The following HEG1 variants were observed in gnomAD, a reference collection of about 807,000 sequenced individuals.
HEG1 encodes the protein heart development protein with EGF like domains 1.
HEG1 carries 56 observed loss-of-function variants against 125.6 expected under a neutral mutation model. That is an observed-to-expected ratio of 0.45 (90% CI 0.36 to 0.56). HEG1 has a LOEUF of 0.56. Among genes scored for constraint, HEG1 ranks in the 20% least tolerant of loss-of-function variants. The pLI is 0.00. For missense variants in HEG1, 1,523 were observed against 1,670.0 expected (o/e 0.91, Z 1.53); for synonymous variants, 644 against 668.5 (o/e 0.96, Z 0.57).
rs10522507 is a variant in HEG1, at chr3:125,046,398, T to TACACAC, written c.316+9171_316+9176dup. Among the ~76,000 whole-genome samples the TACACAC allele has an allele frequency of 4.4e-4, 63 of 141,636 alleles. 1 individual carries two copies. Among genetic ancestry groups the TACACAC allele is most frequent in the Middle Eastern group, 3.5e-3 (1 of 286 alleles). The allele number at this position is 141,636 out of a possible 152,430, so 92.9% of individuals were successfully genotyped here. ...GTATATGTATATATATATATACACA[T>TACACAC]ACACACACACACACACACACACACA... On this transcript the variant is annotated intron_variant, in intron 1 of 16. Coordinates refer to ENST00000311127, the MANE Select transcript of HEG1 (RefSeq NM_020733.2).
chr3:125,017,816 C>T (rs986332619), intron 5 of HEG1, among the ~76,000 whole-genome samples: 5 of 150,782 alleles, frequency 3.3e-5, no homozygotes, highest in Admixed American at 6.6e-5. Flanking sequence ...GTCAGGAGAT[C>T]GGGACCATCC....
At chr3:125,039,344 C>T (rs1214342199) in intron 1 of HEG1, among the ~76,000 whole-genome samples, 1 of 152,136 alleles carries the variant, frequency 6.6e-6, no homozygotes, top group African/African-American at 2.4e-5. Context: ...CCACTCCCTG[C>T]CAGTGATTTG....
chr3:124,997,446 C>A (rs1936938440), intron 12 of HEG1, among the ~76,000 whole-genome samples: 2 of 152,366 alleles, frequency 1.3e-5, no homozygotes, highest in South Asian at 4.1e-4. Flanking sequence ...CTACCACAGG[C>A]ATTCCATTCT....
In HEG1 at chr3:125,019,430, C is replaced by T. The variant is rs752776788; in HGVS notation, c.1420G>A (p.Ala474Thr). 1 of 1,614,014 alleles carries T rather than the reference C, an allele frequency of 6.2e-7. No individual in the cohort carries two copies. Among genetic ancestry groups the T allele is most frequent in the South Asian group, 1.1e-5 (1 of 91,072 alleles). Reference sequence around the variant, plus strand: ...GCATTCACACCTTCAGGATATGAAGCAGAGCTTCCTGTCACATCTGCAGAT... The same window carrying T: ...GCATTCACACCTTCAGGATATGAAGTAGAGCTTCCTGTCACATCTGCAGAT... ...TTSADVTGSS[A>T]SYPEGVNASV... The change falls in exon 5 of 17, where the codon GCT becomes ACT. Residue 474 changes from alanine to threonine, a missense_variant. Ala to Thr is a moderately conservative substitution (Grantham distance 58, BLOSUM62 0). Transcript: ENST00000311127.
At chr3:124,978,047 C>A in intron 14 of HEG1, 101 bp from the exon 15 acceptor site, 1 of 806,886 alleles carries the variant, frequency 1.2e-6, no homozygotes, top group South Asian at 1.7e-5. Context: ...CACCACCCTG[C>A]CTTGAGGGGT....
Position 125,013,337 on chromosome 3 carries a change from G to A in HEG1, c.2242C>T (p.Pro748Ser), listed in dbSNP as rs191706613. ...LPQSSSTPVL[P>S]RARETPVTSF... The stretch of plus-strand genomic sequence containing the variant: ...GTCACAGGAGTCTCCCTTGCCCTGG[G>A]CAGGACAGGGGTAGAAGATGACTGT... The change falls in exon 6 of 17, where the codon CCC (proline) becomes TCC (serine). Residue 748 changes from proline to serine, a missense_variant. Physicochemically the swap from Pro to Ser is moderately conservative, Grantham distance 74. Transcript: ENST00000311127. 8 of 1,613,928 alleles carry A rather than the reference G, an allele frequency of 5.0e-6. No homozygotes were observed. The highest frequency in any genetic ancestry group is 1.7e-4 in the Middle Eastern group (1 of 6,060).
intron 1 of HEG1, among the ~76,000 whole-genome samples, chr3:125,036,639 C>CT (rs1937550655): frequency 6.6e-6 from 1 of 152,120 alleles, no homozygotes; most frequent in African/African-American, 2.4e-5. Flanking sequence ...AAGATGTACC[C>CT]CTTGTAGACA....
At chr3:124,985,249 A>G (rs1936719574) in intron 14 of HEG1, among the ~76,000 whole-genome samples, 1 of 152,154 alleles carries the variant, frequency 6.6e-6, no homozygotes. Context: ...CCCCACACTT[A>G]GTAGTAAGGA....
chr3:124,991,088 T>A, intron 12 of HEG1, 102 bp from the exon 13 acceptor site: 1 of 838,610 alleles, frequency 1.2e-6, no homozygotes, highest in Non-Finnish European at 1.9e-6. Flanking sequence ...ATTATTCTAG[T>A]ACCAGAAGGC....
rs1184354973 is a variant in HEG1 at position 125,034,811 on chromosome 3, A to T, written c.317-5323T>A. ...TGAGACCATCTCAAAAGAAAAAAAA[A>T]TGAATTAGAAAATAAATGATAACAG... On this transcript the variant is annotated intron_variant, in intron 1 of 16. Coordinates refer to ENST00000311127, the MANE Select transcript of HEG1 (RefSeq NM_020733.2). Among the ~76,000 whole-genome samples the T allele has an allele frequency of 2.6e-5, 4 of 152,194 alleles. No homozygotes were observed. The East Asian group carries it at 7.7e-4, about 29-fold the overall frequency.
At chr3:124,986,855 A>G (rs985723335) in intron 14 of HEG1, among the ~76,000 whole-genome samples, 1 of 152,254 alleles carries the variant, frequency 6.6e-6, no homozygotes, top group Non-Finnish European at 1.5e-5. Flanking sequence ...CTTACAGAAT[A>G]GTCAATGACA....
intron 14 of HEG1, among the ~76,000 whole-genome samples, chr3:124,983,361 G>A (rs1032131225): frequency 9.2e-5 from 14 of 151,876 alleles, no homozygotes; most frequent in Non-Finnish European, 1.8e-4. Context: ...TTTTGAGACA[G>A]GGTCTTGCTC....
intron 8 of HEG1, among the ~76,000 whole-genome samples, chr3:125,006,774 G>A (rs142235795): frequency 2.9e-4 from 44 of 152,334 alleles, no homozygotes; most frequent in African/African-American, 1.0e-3. Context: ...TTGTGAAGGC[G>A]ATAGTGCTGC....
chr3:124,979,690 T>C (rs1579396146), intron 14 of HEG1, among the ~76,000 whole-genome samples: 1 of 152,112 alleles, frequency 6.6e-6, no homozygotes, highest in African/African-American at 2.4e-5. Context: ...TCCCAGCACT[T>C]TGGGAGGCCG....
At chr3:125,014,033 C>T (rs562487442) in intron 5 of HEG1, 43 bp from the exon 6 acceptor site, 16 of 1,512,718 alleles carry the variant, frequency 1.1e-5, no homozygotes, top group Non-Finnish European at 1.3e-5. Flanking sequence ...AAAAGAACAA[C>T]AAAACTCTGA....
At chr3:125,030,141 A>G (rs981999017) in intron 1 of HEG1, among the ~76,000 whole-genome samples, 2 of 152,190 alleles carry the variant, frequency 1.3e-5, no homozygotes, top group African/African-American at 4.8e-5. Flanking sequence ...GGCAAGAAGC[A>G]TCTCATATTC....
chr3:124,968,253 A>T lies in HEG1; in HGVS notation c.*2399T>A. 6.6e-6 allele frequency: 1 copy of T among 152,390 alleles called. No homozygotes were observed. The highest frequency in any genetic ancestry group is 1.9e-4 in the East Asian group (1 of 5,192). 9.4% of individuals were successfully genotyped at this position (152,390 alleles called of 1,614,324 possible). ...CCTTCTGCAGCTAGGAACCCCGTGC[A>T]GGAGTGCAGCTGGCCTCTCCCTTCC... On this transcript the variant is annotated 3_prime_UTR_variant, in exon 17 of 17. Coordinates refer to ENST00000311127, the MANE Select transcript of HEG1 (RefSeq NM_020733.2).
chr3:125,041,256 C>T (rs1391362444), intron 1 of HEG1, among the ~76,000 whole-genome samples: 2 of 152,202 alleles, frequency 1.3e-5, no homozygotes, highest in Non-Finnish European at 1.5e-5. Context: ...CTGGTGCCCC[C>T]ATCCCTCTCC....
At chr3:124,998,876 C>A (rs1366703856) in intron 11 of HEG1, among the ~76,000 whole-genome samples, 1 of 152,142 alleles carries the variant, frequency 6.6e-6, no homozygotes, top group African/African-American at 2.4e-5. Context: ...TATTGGGGGG[C>A]AAGCTCAAGT....
Sources: allele counts gnomAD v4.1 joint callset (sites outside exome capture counted in the v4.1 genomes callset), GRCh38; gene constraint gnomAD v4.1.1; transcripts MANE v1.5; gene names NCBI Gene and HGNC (gene_info 2026-07-23, HGNC 2026-07-21).